The following MDGA2 variants were observed in gnomAD, a reference collection of about 807,000 sequenced individuals.
MDGA2 encodes the protein MAM domain containing glycosylphosphatidylinositol anchor 2.
Under a neutral mutation model 117.8 loss-of-function variants are expected in MDGA2, and 40 were observed. The ratio of observed to expected loss-of-function variants is 0.34; its 90% CI spans 0.26 to 0.44. MDGA2 has a LOEUF of 0.44. Ranked by LOEUF, MDGA2 falls within the 20% of genes least tolerant of loss-of-function variation. MDGA2 has a pLI of 1.00. For synonymous variants in MDGA2, 452 were observed against 439.0 expected (o/e 1.03, Z -0.37); for missense variants, 1,123 against 1,250.6 (o/e 0.90, Z 1.54).
intron 10 of MDGA2, among the ~76,000 whole-genome samples, chr14:46,895,269 A>ATCTGATGGTTTTATAAAAGG (rs1051306434): frequency 1.3e-5 from 2 of 152,116 alleles, no homozygotes; most frequent in African/African-American, 4.8e-5. Context: ...TTCTCACAAG[A>ATCTGATGGTTTTATAAAAGG]TCTGATGGTT....
chr14:46,888,973 C>T (rs1287970098), intron 10 of MDGA2, among the ~76,000 whole-genome samples: 1 of 151,502 alleles, frequency 6.6e-6, no homozygotes. Flanking sequence ...TATTACAGAC[C>T]CTAAATCACT....
At chr14:47,304,658 G>A (rs989123537) in intron 1 of MDGA2, among the ~76,000 whole-genome samples, 5 of 152,076 alleles carry the variant, frequency 3.3e-5, no homozygotes, top group Non-Finnish European at 7.4e-5. Context: ...TTTACATTAT[G>A]TTGTTTCTCT....
At chr14:47,318,809 A>AGAAGGAAGGAAGGAAGGAAG (rs889892249) in intron 1 of MDGA2, among the ~76,000 whole-genome samples, 7 of 91,690 alleles carry the variant, frequency 7.6e-5, no homozygotes, top group African/African-American at 1.7e-4. Flanking sequence ...AAGGGAGGAA[A>AGAAGGAAGGAAGGAAGGAAG]GAAGGAAGGA....
chr14:47,143,228 C>T (rs148818754), intron 4 of MDGA2, among the ~76,000 whole-genome samples: 1 of 152,300 alleles, frequency 6.6e-6, no homozygotes, highest in East Asian at 1.9e-4. Flanking sequence ...ATCTCAGCCT[C>T]AGCCTCCCAA....
intron 1 of MDGA2, among the ~76,000 whole-genome samples, chr14:47,618,018 G>C (rs980896620): frequency 6.6e-6 from 1 of 152,088 alleles, no homozygotes; most frequent in South Asian, 2.1e-4. Context: ...GAATTCACTG[G>C]TTTTGCATCT....
At chr14:46,999,891 A>T (rs957661990) in intron 8 of MDGA2, among the ~76,000 whole-genome samples, 2 of 151,998 alleles carry the variant, frequency 1.3e-5, no homozygotes, top group Non-Finnish European at 2.9e-5. Context: ...ACCTTCACAC[A>T]TGTCTAAGGG....
chr14:47,163,821 C>T (rs1457950379), intron 3 of MDGA2, among the ~76,000 whole-genome samples: 1 of 152,180 alleles, frequency 6.6e-6, no homozygotes, highest in Non-Finnish European at 1.5e-5. Flanking sequence ...GTAGTGACAA[C>T]AATGTTGTTT....
chr14:47,127,858 A>G (rs1881983528), intron 5 of MDGA2, among the ~76,000 whole-genome samples: 1 of 152,058 alleles, frequency 6.6e-6, no homozygotes, highest in South Asian at 2.1e-4. Flanking sequence ...AGATCTCAGG[A>G]ATTCTATCAC....
intron 5 of MDGA2, among the ~76,000 whole-genome samples, chr14:47,099,246 A>T (rs1880159234): frequency 6.6e-6 from 1 of 151,888 alleles, no homozygotes; most frequent in South Asian, 2.1e-4. Flanking sequence ...AATCATTGTC[A>T]TTTTGTTCTA....
intron 7 of MDGA2, among the ~76,000 whole-genome samples, chr14:47,051,040 C>T (rs548730100): frequency 6.6e-6 from 1 of 151,856 alleles, no homozygotes; most frequent in African/African-American, 2.4e-5. Flanking sequence ...TCTTGCAAGG[C>T]CTTTGTCAAA....
rs187752069 is a variant in MDGA2, at chr14:47,502,653, G to T, written c.280+171864C>A. Among the ~76,000 whole-genome samples the T allele has an allele frequency of 2.2e-3, 336 of 152,064 alleles. 1 individual carries two copies. Among genetic ancestry groups the T allele is most frequent in the Admixed American group, 3.7e-3 (57 of 15,262 alleles). On this transcript the variant is annotated intron_variant, in intron 1 of 16. Coordinates refer to ENST00000399232, the MANE Select transcript of MDGA2 (RefSeq NM_001113498.3). Reference sequence around the variant, plus strand: ...AAATCTCAAAGATAATCCTTTGGGGGTTTTTTTGTTTTATTATTTGTATTT... The same window carrying T: ...AAATCTCAAAGATAATCCTTTGGGGTTTTTTTTGTTTTATTATTTGTATTT...
chr14:47,651,246 GTGTGTA>G (rs775495483), intron 1 of MDGA2, among the ~76,000 whole-genome samples: 4 of 122,310 alleles, frequency 3.3e-5, no homozygotes, highest in Admixed American at 8.1e-5. Context: ...GTGTGTGTGT[GTGTGTA>G]TACCCATAAA....
chr14:47,454,801 C>A (rs976726388), intron 1 of MDGA2, among the ~76,000 whole-genome samples: 1 of 152,090 alleles, frequency 6.6e-6, no homozygotes, highest in Non-Finnish European at 1.5e-5. Context: ...TGTCTGCAGA[C>A]CTGGAATCCA....
chr14:47,190,305 C>T (rs1425005269), intron 3 of MDGA2, among the ~76,000 whole-genome samples: 1 of 152,132 alleles, frequency 6.6e-6, no homozygotes, highest in Admixed American at 6.5e-5. Flanking sequence ...ACACAGCCTC[C>T]CAGGACAGCA....
intron 1 of MDGA2, among the ~76,000 whole-genome samples, chr14:47,382,072 T>C (rs994795488): frequency 1.3e-5 from 2 of 152,178 alleles, no homozygotes; most frequent in East Asian, 1.9e-4. Context: ...ATCTGATCTT[T>C]TGACAAACCT....
At chr14:47,164,102 A>G (rs11620835) in intron 3 of MDGA2, among the ~76,000 whole-genome samples, 130,817 of 152,240 alleles carry the variant, frequency 0.86, 56,342 homozygotes, top group East Asian at 0.97. Context: ...AAGTTAGTTG[A>G]TTAATTTAAA....
At chr14:47,298,736 GTGCAGTGGCACGATCTCGGCTCAC>G (rs1447804984) in intron 2 of MDGA2, among the ~76,000 whole-genome samples, 1 of 147,718 alleles carries the variant, frequency 6.8e-6, no homozygotes, top group East Asian at 2.0e-4. Context: ...CCAGGCTGGA[GTGCAGTGGCACGATCTCGGCTCAC>G]TGCAAGCTCC....
chr14:47,673,574 C>G (rs1898113408), intron 1 of MDGA2, among the ~76,000 whole-genome samples: 1 of 151,694 alleles, frequency 6.6e-6, no homozygotes, highest in African/African-American at 2.4e-5. Flanking sequence ...TTTTTGGGCA[C>G]CACCTGCTTG....
At chr14:47,136,001 A>G (rs1464077705) in intron 4 of MDGA2, among the ~76,000 whole-genome samples, 1 of 152,062 alleles carries the variant, frequency 6.6e-6, no homozygotes, top group Admixed American at 6.6e-5. Context: ...TATTTATTCT[A>G]AAGTTACTTA....
Sources: allele counts gnomAD v4.1 joint callset (sites outside exome capture counted in the v4.1 genomes callset), GRCh38; gene constraint gnomAD v4.1.1; transcripts MANE v1.5; gene names NCBI Gene and HGNC (gene_info 2026-07-23, HGNC 2026-07-21).